FYN: variants seen among roughly 807,000 people sequenced by gnomAD.
The protein encoded by FYN is FYN proto-oncogene, Src family tyrosine kinase, also known as tyrosine-protein kinase Fyn.
In FYN, 10 loss-of-function variants were observed where a neutral mutation model predicts 70.2. The ratio of observed to expected loss-of-function variants is 0.14; its 90% CI spans 0.09 to 0.24. FYN has a LOEUF of 0.24. Among genes scored for constraint, FYN ranks in the 10% least tolerant of loss-of-function variants. The pLI, the probability that FYN is intolerant of heterozygous loss-of-function variation, is 1.00. For synonymous variants in FYN, 236 were observed against 248.6 expected (o/e 0.95, Z 0.48); for missense variants, 319 against 673.1 (o/e 0.47, Z 5.82).
At chr6:111,695,869 A>G (rs539256370) in intron 10 of FYN, among the ~76,000 whole-genome samples, 37 of 152,310 alleles carry the variant, frequency 2.4e-4, no homozygotes, top group African/African-American at 8.7e-4. Flanking sequence ...GAAATGATGG[A>G]GACTAAACTT....
intron 2 of FYN, among the ~76,000 whole-genome samples, chr6:111,810,993 A>G (rs184314212): frequency 6.6e-6 from 1 of 152,324 alleles, no homozygotes; most frequent in East Asian, 1.9e-4. Context: ...TTGGCAAGCA[A>G]CTGCTCCTCA....
chr6:111,704,333 T>G (rs1224377728), intron 6 of FYN, among the ~76,000 whole-genome samples: 1 of 152,228 alleles, frequency 6.6e-6, no homozygotes, highest in Non-Finnish European at 1.5e-5. Flanking sequence ...AGTTGTGGGT[T>G]GTTTTCCTCC....
In FYN at chr6:111,698,911, C is replaced by T. The variant is rs574769770; in HGVS notation, c.862+1193G>A. On this transcript the variant is annotated intron_variant, in intron 9 of 13. Coordinates refer to ENST00000354650, the MANE Select transcript of FYN (RefSeq NM_002037.5). ...CATTCTGGCCAACATGGTGAAACTC[C>T]GTCTCTACTAAAAATACAAAAATTA... Among the ~76,000 whole-genome samples, 6 of 152,064 alleles carry T rather than the reference C, an allele frequency of 3.9e-5. No individual in the cohort carries two copies. In the South Asian group the frequency reaches 8.3e-4, roughly 21 times the overall value.
intron 5 of FYN, among the ~76,000 whole-genome samples, 156 bp downstream of exon 5, chr6:111,714,191 T>C (rs2128457219): frequency 6.6e-6 from 1 of 152,372 alleles, no homozygotes; most frequent in East Asian, 1.9e-4. Context: ...ACTGTGTCAC[T>C]GACTCTTCTT....
At chr6:111,793,412 C>T (rs879645445) in intron 2 of FYN, among the ~76,000 whole-genome samples, 1 of 151,884 alleles carries the variant, frequency 6.6e-6, no homozygotes, top group Non-Finnish European at 1.5e-5. Context: ...TTACAGTCTG[C>T]GCATCCCCAG....
At chr6:111,730,688 C>T (rs544673787) in intron 3 of FYN, among the ~76,000 whole-genome samples, 111 of 152,236 alleles carry the variant, frequency 7.3e-4, no homozygotes, top group African/African-American at 2.3e-3. Context: ...CTGGGGCAAT[C>T]CAAGCAGGGC....
chr6:111,839,585 C>T (rs572763980), intron 2 of FYN, among the ~76,000 whole-genome samples: 7 of 152,128 alleles, frequency 4.6e-5, no homozygotes, highest in South Asian at 4.1e-4. Flanking sequence ...TTGTAAGTAC[C>T]GTGTTCATGT....
intron 2 of FYN, among the ~76,000 whole-genome samples, chr6:111,829,098 T>C (rs1245492621): frequency 6.6e-6 from 1 of 152,204 alleles, no homozygotes; most frequent in Non-Finnish European, 1.5e-5. Flanking sequence ...CTTTACGAAA[T>C]GAGCTACTAA....
rs78208748 is a variant in FYN, at chr6:111,866,091, T to C, written c.-123+6877A>G. Among the ~76,000 whole-genome samples, 547 of 152,344 alleles carry C rather than the reference T, an allele frequency of 3.6e-3. 3 individuals are homozygous for C. The highest frequency in any genetic ancestry group is 6.3e-3 in the Non-Finnish European group (428 of 68,036). On this transcript the variant is annotated intron_variant, in intron 1 of 13. Coordinates refer to ENST00000354650, the MANE Select transcript of FYN (RefSeq NM_002037.5). Reference sequence around the variant, plus strand: ...AAAGCATGTATGTCATATGTGTATATATACACATACACACATACATATGGA... The same window carrying C: ...AAAGCATGTATGTCATATGTGTATACATACACATACACACATACATATGGA...
intron 3 of FYN, among the ~76,000 whole-genome samples, chr6:111,755,079 T>C (rs1802664391): frequency 6.6e-6 from 1 of 151,676 alleles, no homozygotes; most frequent in South Asian, 2.1e-4. Flanking sequence ...ATCTTGACAA[T>C]AGAGATTTCT....
intron 1 of FYN, among the ~76,000 whole-genome samples, chr6:111,858,707 G>A (rs925727328): frequency 2.0e-5 from 3 of 152,006 alleles, no homozygotes; most frequent in African/African-American, 7.2e-5. Flanking sequence ...TAGCTTCAAT[G>A]GGGGAGACTC....
At chr6:111,854,533 A>G (rs1199184135) in intron 1 of FYN, among the ~76,000 whole-genome samples, 2 of 152,246 alleles carry the variant, frequency 1.3e-5, no homozygotes, top group East Asian at 3.8e-4. Flanking sequence ...GTTAATGGAA[A>G]ACACAGAAAG....
intron 2 of FYN, among the ~76,000 whole-genome samples, chr6:111,823,327 T>TC: frequency 6.6e-6 from 1 of 152,250 alleles, no homozygotes; most frequent in East Asian, 1.9e-4. Context: ...TGCTGCTAGA[T>TC]CATCCTATTT....
In FYN at chr6:111,694,491, T is replaced by C; in HGVS notation, c.1157A>G (p.Tyr386Cys). 1 of 1,614,232 alleles carries C rather than the reference T, an allele frequency of 6.2e-7. No individual in the cohort carries two copies. The highest frequency in any genetic ancestry group is 8.5e-7 in the Non-Finnish European group (1 of 1,180,044). Residue 386 changes from tyrosine to cysteine, a missense_variant, in exon 12 of 14, where the codon TAT (tyrosine) becomes TGT (cysteine). Physicochemically the swap from Tyr to Cys is radical, Grantham distance 194. This residue lies in a region of FYN where 64 missense variants were observed against 223.0 expected (regional missense o/e 0.29). Coordinates refer to ENST00000354650, the MANE Select transcript of FYN (RefSeq NM_002037.5). The surrounding 1 kb of genome is among the most constrained non-coding windows in gnomAD (Gnocchi z 5.0). Reference protein sequence around the residue: ...AGMAYIERMNYIHRDLRSANI... With the variant: ...AGMAYIERMNCIHRDLRSANI... ...TGCTGATCGCAGATCTCTATGGATA[T>C]AATTCATGCGCTCGATGTAAGCCAT...
chr6:111,701,928 G>A lies in FYN; in HGVS notation c.697+957C>T, dbSNP rs555985331. Among the ~76,000 whole-genome samples, 12 of 152,218 alleles carry A rather than the reference G, an allele frequency of 7.9e-5. No individual in the cohort carries two copies. The East Asian group carries it at 2.1e-3, about 27-fold the overall frequency. ...ACAGACATTTCTTATTGTCATTTTCGAAAGATTGCTTTTTCATGCCAAAAA... is the reference window on the plus strand; with the variant it reads ...ACAGACATTTCTTATTGTCATTTTCAAAAGATTGCTTTTTCATGCCAAAAA... On this transcript the variant is annotated intron_variant, in intron 8 of 13. Transcript: ENST00000354650.
intron 3 of FYN, among the ~76,000 whole-genome samples, chr6:111,776,640 G>A (rs1489104312): frequency 6.6e-6 from 1 of 152,150 alleles, no homozygotes; most frequent in Admixed American, 6.5e-5. Context: ...ATGTCCACAA[G>A]CACACACCAC....
chr6:111,686,419 C>T (rs1382779477), intron 12 of FYN, among the ~76,000 whole-genome samples: 1 of 152,162 alleles, frequency 6.6e-6, no homozygotes, highest in Non-Finnish European at 1.5e-5. Context: ...TTCTGTCGGG[C>T]AAGTCCCCTG....
intron 2 of FYN, among the ~76,000 whole-genome samples, chr6:111,820,447 C>T (rs1772621871): frequency 6.6e-6 from 1 of 151,866 alleles, no homozygotes; most frequent in African/African-American, 2.4e-5. Flanking sequence ...ATCTTAATGA[C>T]AAAAGCAAAA....
chr6:111,755,330 G>A (rs901732810), intron 3 of FYN, among the ~76,000 whole-genome samples: 1 of 152,130 alleles, frequency 6.6e-6, no homozygotes, highest in African/African-American at 2.4e-5. Context: ...AGGGAAACTG[G>A]ATAATGCCAA....
Sources: gnomAD v4.1 joint callset for allele counts (sites outside exome capture counted in the v4.1 genomes callset) on GRCh38, gnomAD v4.1.1 for gene constraint, gnomAD v4.1.1 regional missense constraint, Gnocchi (gnomAD v3.1) non-coding constraint, MANE v1.5 for transcripts, NCBI Gene and HGNC (gene_info 2026-07-23, HGNC 2026-07-21) for gene names.